Variants in PHF20 observed in about 807,000 individuals in gnomAD.
PHF20 encodes PHD finger protein 20, also known as glioma-expressed antigen 2.
In PHF20, 23 loss-of-function variants were observed where a neutral mutation model predicts 113.5. The ratio of observed to expected loss-of-function variants is 0.20; its 90% CI spans 0.15 to 0.29. The LOEUF (loss-of-function observed/expected upper bound fraction) is 0.29, where lower values mean the gene tolerates loss of function less well. Ranked by LOEUF, PHF20 falls within the 10% of genes least tolerant of loss-of-function variation. The pLI, the probability that PHF20 is intolerant of heterozygous loss-of-function variation, is 1.00. For missense variants in PHF20, 943 were observed against 1,219.6 expected (o/e 0.77, Z 3.38); for synonymous variants, 434 against 457.3 (o/e 0.95, Z 0.65).
intron 14 of PHF20, 32 bp downstream of exon 14, chr20:35,927,911 T>C: frequency 2.1e-6 from 3 of 1,445,456 alleles, no homozygotes; most frequent in South Asian, 1.1e-5. Context: ...GATATAACAG[T>C]ATGTAGCCTT....
At chr20:35,928,012 G>A (rs953365629) in intron 14 of PHF20, 133 bp downstream of exon 14, 10 of 686,266 alleles carry the variant, frequency 1.5e-5, no homozygotes, top group Middle Eastern at 3.7e-4. Flanking sequence ...GCTCCTCCTC[G>A]CCTCTGTTGC....
intron 1 of PHF20, among the ~76,000 whole-genome samples, chr20:35,801,256 G>A (rs146739417): frequency 1.2e-4 from 18 of 152,282 alleles, no homozygotes; most frequent in African/African-American, 3.8e-4. Flanking sequence ...GCCCTTGTAG[G>A]TGAGTGGTAA....
At chr20:35,843,643 T>G (rs1243595465) in intron 3 of PHF20, among the ~76,000 whole-genome samples, 2 of 151,436 alleles carry the variant, frequency 1.3e-5, no homozygotes, top group Non-Finnish European at 2.9e-5. Flanking sequence ...AATGCAGTGG[T>G]GCAATCATGG....
At chr20:35,852,347 G>A (rs750007615) in intron 4 of PHF20, among the ~76,000 whole-genome samples, 2 of 152,170 alleles carry the variant, frequency 1.3e-5, no homozygotes, top group Non-Finnish European at 2.9e-5. Flanking sequence ...TGAGAACCAT[G>A]GTTGGGAGAC....
At chr20:35,782,625 G>T (rs2041324501) in intron 1 of PHF20, 1 of 152,200 alleles carries the variant, frequency 6.6e-6, no homozygotes, top group Admixed American at 6.6e-5. Context: ...TGGTGGTGAG[G>T]ATGTAGGATT....
chr20:35,804,237 T>TG (rs1359662099), intron 2 of PHF20, among the ~76,000 whole-genome samples: 163 of 140,150 alleles, frequency 1.2e-3, no homozygotes, highest in African/African-American at 4.3e-3. Context: ...ATGTTTTTTT[T>TG]TTTTTTTTTT....
At chr20:35,865,304 C>A (rs972525667) in intron 6 of PHF20, among the ~76,000 whole-genome samples, 33 of 151,846 alleles carry the variant, frequency 2.2e-4, no homozygotes, top group African/African-American at 7.7e-4. Context: ...AGTTCGAGAC[C>A]AGCCTTGGCA....
intron 2 of PHF20, among the ~76,000 whole-genome samples, chr20:35,813,783 G>A (rs1038167752): frequency 4.6e-5 from 7 of 151,882 alleles, no homozygotes; most frequent in Non-Finnish European, 8.8e-5. Context: ...GTTTGAGCCT[G>A]GGAGGTGGAG....
chr20:35,872,604 T>C (rs1374384365), intron 9 of PHF20, among the ~76,000 whole-genome samples: 1 of 152,196 alleles, frequency 6.6e-6, no homozygotes, highest in Non-Finnish European at 1.5e-5. Context: ...ATACGTTGTG[T>C]TTTTATTTTT....
At chr20:35,885,999 C>T (rs1022947272) in intron 9 of PHF20, among the ~76,000 whole-genome samples, 2 of 151,918 alleles carry the variant, frequency 1.3e-5, no homozygotes, top group African/African-American at 4.8e-5. Flanking sequence ...GGTTTAATCT[C>T]ACTTCTTTCC....
At chr20:35,945,077 T>C (rs1010221625) in intron 17 of PHF20, among the ~76,000 whole-genome samples, 1 of 152,186 alleles carries the variant, frequency 6.6e-6, no homozygotes, top group African/African-American at 2.4e-5. Context: ...TTGTACTTGC[T>C]GGAATTAGGA....
chr20:35,833,468 G>A (rs6088946), intron 2 of PHF20, among the ~76,000 whole-genome samples: 7,738 of 152,184 alleles, frequency 0.051, 243 homozygotes, highest in Non-Finnish European at 0.068. Context: ...GGGTATGTTT[G>A]TCCTCTTGAC....
rs530686111 is a variant in PHF20, at chr20:35,905,036, G to A, written c.1561+5388G>A. On this transcript the variant is annotated intron_variant, in intron 10 of 17. Coordinates refer to ENST00000374012, the MANE Select transcript of PHF20 (RefSeq NM_016436.5). The stretch of plus-strand genomic sequence containing the variant: ...GACTGGGCTTCTCCGTGTTGGTCAG[G>A]CTGGTCTCAAACTCCCGACCTCAGA... 2.8e-4 allele frequency among the ~76,000 whole-genome samples: 42 copies of A among 151,966 alleles called. 1 individual carries two copies. The South Asian group carries it at 8.5e-3, about 31-fold the overall frequency.
intron 2 of PHF20, among the ~76,000 whole-genome samples, chr20:35,839,816 G>A (rs140913709): frequency 6.6e-6 from 1 of 152,200 alleles, no homozygotes; most frequent in African/African-American, 2.4e-5. Flanking sequence ...AGTGATGGGG[G>A]CCTGAACTTG....
At chr20:35,800,724 T>C (rs1174023587) in intron 1 of PHF20, among the ~76,000 whole-genome samples, 1 of 152,138 alleles carries the variant, frequency 6.6e-6, no homozygotes, top group Admixed American at 6.6e-5. Flanking sequence ...TGAGCTGAGA[T>C]GGCACCACTG....
chr20:35,890,486 G>T (rs2054828811), intron 9 of PHF20, among the ~76,000 whole-genome samples: 1 of 152,162 alleles, frequency 6.6e-6, no homozygotes, highest in African/African-American at 2.4e-5. Flanking sequence ...TGGTCCCTTG[G>T]CTAGAATTAT....
At chr20:35,918,034 A>T (rs1267276832) in intron 13 of PHF20, among the ~76,000 whole-genome samples, 2 of 152,162 alleles carry the variant, frequency 1.3e-5, no homozygotes, top group African/African-American at 2.4e-5. Context: ...TCTTTGAGGT[A>T]AATTTTCTTT....
At chr20:35,816,459 T>G (rs2042074938) in intron 2 of PHF20, among the ~76,000 whole-genome samples, 1 of 152,030 alleles carries the variant, frequency 6.6e-6, no homozygotes, top group African/African-American at 2.4e-5. Context: ...TAAGTTTTTT[T>G]TTTTTTTGAG....
Position 35,950,370 on chromosome 20 carries a change from A to T in PHF20, c.*2743A>T, listed in dbSNP as rs944922327. Reference sequence around the variant, plus strand: ...AAAAATAAAACAGGTTCTTGTTGCTATGTTTCAGTTACGTATTGTTGAGTT... The same window carrying T: ...AAAAATAAAACAGGTTCTTGTTGCTTTGTTTCAGTTACGTATTGTTGAGTT... On this transcript the variant is annotated 3_prime_UTR_variant, in exon 18 of 18. Transcript: ENST00000374012. The T allele has an allele frequency of 6.6e-6, 1 of 152,626 alleles. No homozygotes were observed. The highest frequency in any genetic ancestry group is 1.5e-5 in the Non-Finnish European group (1 of 68,044). 9.5% of individuals were successfully genotyped at this position (152,626 alleles called of 1,614,324 possible). A position where few individuals can be genotyped will look rare whatever the true frequency, so the allele number is the denominator to read the frequency against.
Sources: allele counts gnomAD v4.1 joint callset (sites outside exome capture counted in the v4.1 genomes callset), GRCh38; gene constraint gnomAD v4.1.1; transcripts MANE v1.5; gene names NCBI Gene and HGNC (gene_info 2026-07-23, HGNC 2026-07-21).